ATP2B2: variants seen among roughly 807,000 people sequenced by gnomAD.
ATP2B2 encodes the protein ATPase plasma membrane Ca2+ transporting 2, also known as plasma membrane calcium-transporting ATPase 2.
A neutral mutation model predicts 120.0 loss-of-function variants in ATP2B2; 15 were observed. That is an observed-to-expected ratio of 0.12 (90% CI 0.08 to 0.19). The LOEUF (loss-of-function observed/expected upper bound fraction) is 0.19. Among genes scored for constraint, ATP2B2 ranks in the 10% least tolerant of loss-of-function variants. The probability of loss-of-function intolerance (pLI) is 1.00; values close to 1 mark genes in which losing one functional copy is unlikely to be tolerated. For missense variants in ATP2B2, 1,045 were observed against 1,719.8 expected, an observed-to-expected ratio of 0.61 and a Z score of 6.94; for synonymous variants, 694 against 700.3, an observed-to-expected ratio of 0.99 and a Z score of 0.14.
At chr3:10,364,410 C>A (rs2060983902) in intron 12 of ATP2B2, among the ~76,000 whole-genome samples, 1 of 152,072 alleles carries the variant, frequency 6.6e-6, no homozygotes, top group Non-Finnish European at 1.5e-5. Context: ...TAAAAAATAA[C>A]TTAAAAAGCT....
At chr3:10,520,322 C>A (rs542244347) in intron 3 of ATP2B2, among the ~76,000 whole-genome samples, 1 of 152,240 alleles carries the variant, frequency 6.6e-6, no homozygotes, top group East Asian at 1.9e-4. Context: ...AGGGGGGTGC[C>A]GGTTTTAAGA....
chr3:10,611,855 A>G (rs144318790), intron 2 of ATP2B2, among the ~76,000 whole-genome samples: 1 of 152,204 alleles, frequency 6.6e-6, no homozygotes, highest in African/African-American at 2.4e-5. Flanking sequence ...CACCAGTGTC[A>G]TAAGTGTTAG....
intron 1 of ATP2B2, among the ~76,000 whole-genome samples, chr3:10,694,989 G>A (rs2071720731): frequency 6.6e-6 from 1 of 152,000 alleles, no homozygotes; most frequent in African/African-American, 2.4e-5. Flanking sequence ...ATTAAAAGGG[G>A]AAGTCTATGT....
chr3:10,337,001 C>T (rs1000477666), intron 22 of ATP2B2, among the ~76,000 whole-genome samples: 30 of 152,130 alleles, frequency 2.0e-4, no homozygotes, highest in African/African-American at 6.8e-4. Context: ...TGGGGGCAGG[C>T]TGGGAGGGGT....
intron 1 of ATP2B2, among the ~76,000 whole-genome samples, chr3:10,666,980 C>T (rs1458728220): frequency 6.6e-6 from 1 of 152,212 alleles, no homozygotes; most frequent in African/African-American, 2.4e-5. Flanking sequence ...ACTATTTCTT[C>T]CACTCCTTTA....
chr3:10,619,507 A>G (rs544077932), intron 2 of ATP2B2, among the ~76,000 whole-genome samples: 4 of 152,242 alleles, frequency 2.6e-5, no homozygotes, highest in Non-Finnish European at 5.9e-5. Context: ...GAGCCCACAC[A>G]GGAATATTGC....
intron 3 of ATP2B2, among the ~76,000 whole-genome samples, chr3:10,524,077 G>A (rs1049073282): frequency 2.0e-5 from 3 of 152,152 alleles, no homozygotes; most frequent in African/African-American, 7.2e-5. Context: ...TTGGCTGGAG[G>A]CGGATGAGGC....
chr3:10,529,559 A>G (rs989514060), intron 3 of ATP2B2, among the ~76,000 whole-genome samples: 1 of 152,228 alleles, frequency 6.6e-6, no homozygotes, highest in African/African-American at 2.4e-5. Context: ...CTTCTAGAGA[A>G]TGATGTAAAA....
chr3:10,468,939 G>A (rs112193897), intron 1 of ATP2B2, among the ~76,000 whole-genome samples: 63 of 152,370 alleles, frequency 4.1e-4, no homozygotes, highest in African/African-American at 1.4e-3. Context: ...TGATGAAGCC[G>A]TTAAGAGAGC....
intron 22 of ATP2B2, among the ~76,000 whole-genome samples, chr3:10,336,636 C>T (rs1027365203): frequency 2.0e-5 from 3 of 152,120 alleles, no homozygotes; most frequent in Admixed American, 1.3e-4. Context: ...CCCTCAGGTA[C>T]AGGCGTGGAG....
intron 21 of ATP2B2, 50 bp from the exon 22 acceptor site, chr3:10,338,408 C>T: frequency 6.2e-7 from 1 of 1,605,888 alleles, no homozygotes; most frequent in South Asian, 1.1e-5. Flanking sequence ...TTCCCAGTGG[C>T]CTTCTCTCCC....
intron 2 of ATP2B2, among the ~76,000 whole-genome samples, chr3:10,566,880 G>T (rs1245126707): frequency 6.6e-6 from 1 of 152,152 alleles, no homozygotes; most frequent in Non-Finnish European, 1.5e-5. Context: ...ATATATTAGT[G>T]GGTTAAGATT....
chr3:10,688,918 C>T (rs1255487842), intron 1 of ATP2B2, among the ~76,000 whole-genome samples: 1 of 152,182 alleles, frequency 6.6e-6, no homozygotes, highest in Non-Finnish European at 1.5e-5. Flanking sequence ...GGCTCTTTCC[C>T]TCCATGGTGC....
rs1193747623 is a variant in ATP2B2 at position 10,483,524 on chromosome 3, G to A, written c.-320+21941C>T. Among the ~76,000 whole-genome samples, 4 of 152,292 alleles carry A rather than the reference G, an allele frequency of 2.6e-5. No individual in the cohort carries two copies. In the East Asian group the frequency reaches 7.7e-4, roughly 29 times the overall value. On this transcript the variant is annotated intron_variant, in intron 1 of 22. Coordinates refer to ENST00000360273, the MANE Select transcript of ATP2B2 (RefSeq NM_001001331.4). ...TGAGTGGCTGGAATCCCTTCCTGAG[G>A]GGCAGCCTGGATTTCCAAACCAGAA... is the stretch of plus-strand genomic sequence containing the variant.
At chr3:10,384,573 A>T (rs779341645) in intron 8 of ATP2B2, among the ~76,000 whole-genome samples, 14 of 152,188 alleles carry the variant, frequency 9.2e-5, no homozygotes, top group Non-Finnish European at 2.1e-4. Context: ...GGAGATTAAG[A>T]TGCAGACACC....
At chr3:10,484,972 G>T (rs895496796) in intron 1 of ATP2B2, among the ~76,000 whole-genome samples, 1 of 152,214 alleles carries the variant, frequency 6.6e-6, no homozygotes, top group African/African-American at 2.4e-5. Context: ...GAAGGCCCTG[G>T]GCACAGTGCC....
chr3:10,403,766 G>A (rs1559292501), intron 3 of ATP2B2, among the ~76,000 whole-genome samples: 2 of 152,250 alleles, frequency 1.3e-5, no homozygotes, highest in Non-Finnish European at 2.9e-5. Context: ...CAAGCTGGCT[G>A]AGAGAAGGGT....
intron 6 of ATP2B2, chr3:10,387,850 T>G (rs1484316974): frequency 4.9e-5 from 13 of 265,012 alleles, no homozygotes; most frequent in Non-Finnish European, 9.6e-5. Flanking sequence ...ATGTCTTGGA[T>G]GAATCTATGC....
chr3:10,653,964 T>C (rs1269224377), intron 1 of ATP2B2, among the ~76,000 whole-genome samples: 1 of 152,118 alleles, frequency 6.6e-6, no homozygotes, highest in Non-Finnish European at 1.5e-5. Context: ...GAGGCCTTCT[T>C]GATAATTTTA....
Sources: allele counts gnomAD v4.1 joint callset (sites outside exome capture counted in the v4.1 genomes callset), GRCh38; gene constraint gnomAD v4.1.1; transcripts MANE v1.5; gene names NCBI Gene and HGNC (gene_info 2026-07-23, HGNC 2026-07-21).